Variants in PARP10 observed in about 807,000 individuals in gnomAD.
PARP10 encodes the protein protein mono-ADP-ribosyltransferase PARP10.
A neutral mutation model predicts 82.4 loss-of-function variants in PARP10; 56 were observed. The observed-to-expected ratio is 0.68, with a 90% CI of 0.55 to 0.85. The LOEUF is 0.85. Among genes scored for constraint, PARP10 ranks in the 40% least tolerant of loss-of-function variants. The pLI is 0.00. For missense variants in PARP10, 1,227 were observed against 1,379.4 expected, an observed-to-expected ratio of 0.89 and a Z score of 1.75; for synonymous variants, 576 against 601.1, an observed-to-expected ratio of 0.96 and a Z score of 0.61.
At chr8:144,000,363 A>C (rs938892063) in intron 1 of PARP10, among the ~76,000 whole-genome samples, 1 of 152,112 alleles carries the variant, frequency 6.6e-6, no homozygotes, top group African/African-American at 2.4e-5. Context: ...GTGTTGCCAC[A>C]AGGAAGGAAC....
At chr8:143,992,436 C>A, upstream of PARP10, 1 of 1,613,918 alleles carries the variant, frequency 6.2e-7, no homozygotes, top group Non-Finnish European at 8.5e-7. Context: ...CAGGCCCAGC[C>A]CCATGGCCCG....
intron 1 of PARP10, among the ~76,000 whole-genome samples, chr8:144,003,650 T>C (rs558186885): frequency 6.6e-6 from 1 of 151,900 alleles, no homozygotes; most frequent in East Asian, 1.9e-4. Context: ...AAAAATCAGG[T>C]TGGAGAAGCT....
chr8:143,992,841 G>A (rs1228018387), upstream of PARP10: 8 of 1,612,808 alleles, frequency 5.0e-6, no homozygotes, highest in Non-Finnish European at 6.8e-6. Flanking sequence ...CCAAGGAGTA[G>A]CCGAGCTCCA....
At chr8:143,999,002 TC>T (rs1412523752) in intron 1 of PARP10, among the ~76,000 whole-genome samples, 5 of 149,664 alleles carry the variant, frequency 3.3e-5, no homozygotes, top group Non-Finnish European at 5.9e-5. Flanking sequence ...TCTCCTTCCT[TC>T]CTTCCTTCCT....
At chr8:144,012,611 G>A in exon 1 of PARP10, 2 of 1,551,748 alleles carry the variant, frequency 1.3e-6, no homozygotes, top group Non-Finnish European at 1.7e-6. Context: ...GGCTCATTCG[G>A]GAGAATCACG....
At chr8:144,010,745 T>A (rs1309877411) in intron 1 of PARP10, among the ~76,000 whole-genome samples, 1 of 151,578 alleles carries the variant, frequency 6.6e-6, no homozygotes, top group Non-Finnish European at 1.5e-5. Flanking sequence ...ATTAGCCGAG[T>A]GTGGTGGCAC....
At chr8:144,003,000 A>G (rs1158148964) in intron 1 of PARP10, among the ~76,000 whole-genome samples, 2 of 152,230 alleles carry the variant, frequency 1.3e-5, no homozygotes, top group Non-Finnish European at 2.9e-5. Context: ...TCCATCAAAA[A>G]TGTAAAAAGA....
At chr8:143,986,293 C>T (rs781981070) in intron 1 of PARP10, 60 bp from the exon 2 acceptor site, 4 of 1,613,680 alleles carry the variant, frequency 2.5e-6, no homozygotes, top group Non-Finnish European at 3.4e-6. Context: ...TGCCCCTCCC[C>T]AGGCCCCTCC....
chr8:144,000,904 G>T (rs1834196990), intron 1 of PARP10, among the ~76,000 whole-genome samples: 1 of 109,286 alleles, frequency 9.2e-6, no homozygotes. Flanking sequence ...TTCTTTGTGT[G>T]TGTGTTTTTT....
In PARP10 at chr8:143,977,844, C is replaced by T. The variant is rs147608960; in HGVS notation, c.2732-14G>A. The T allele has an allele frequency of 3.8e-6, 6 of 1,596,968 alleles. No individual in the cohort carries two copies. Among genetic ancestry groups the T allele is most frequent in the African/African-American group, 1.3e-5 (1 of 74,536 alleles). Reference sequence around the variant, plus strand: ...CGTAGACCGTGGCTGCAGGGCGAGACGGGGCAAGGTCAGGGTGGTCGGGGT... The same window carrying T: ...CGTAGACCGTGGCTGCAGGGCGAGATGGGGCAAGGTCAGGGTGGTCGGGGT... On this transcript the variant is annotated splice_polypyrimidine_tract_variant and intron_variant, in intron 10 of 10. Coordinates refer to ENST00000313028, the MANE Select transcript of PARP10 (RefSeq NM_032789.5).
chr8:143,983,072 C>A lies in PARP10; in HGVS notation c.2423-7G>T, dbSNP rs1373684025. 2 of 1,613,856 alleles carry A rather than the reference C, an allele frequency of 1.2e-6. No homozygotes were observed. The highest frequency in any genetic ancestry group is 1.7e-6 in the Non-Finnish European group (2 of 1,180,008). ...TTCAGCGTCTGCCCCGCCACTGATG[C>A]ATGGGGAAAAGCGGGGGGTCAGAGC... is the stretch of plus-strand genomic sequence containing the variant. On this transcript the variant is annotated splice_region_variant and splice_polypyrimidine_tract_variant and intron_variant, in intron 8 of 10. Transcript: ENST00000313028.
intron 1 of PARP10, among the ~76,000 whole-genome samples, chr8:144,009,824 C>G (rs193065636): frequency 6.6e-6 from 1 of 152,180 alleles, no homozygotes; most frequent in East Asian, 1.9e-4. Flanking sequence ...CAAGCCAACT[C>G]CAAGACCAGC....
chr8:144,012,547 G>C (rs903886286), exon 1 of PARP10: 1 of 1,551,648 alleles, frequency 6.4e-7, no homozygotes, highest in East Asian at 2.4e-5. Flanking sequence ...GAAGGGCTTC[G>C]GCATCAGATA....
In PARP10 at chr8:143,986,196, C is replaced by G; in HGVS notation, c.40G>C (p.Glu14Gln). ...ACGGCAGGGGGCAGTCCACGGACCT[C>G]CACTGCCACCCCTGCCTCTGCCTCC... ...MAEAEAGVAV[E>Q]VRGLPPAVPD... The change falls in exon 2 of 11, where the codon GAG (glutamate) becomes CAG (glutamine). Residue 14 changes from glutamate to glutamine, a missense_variant. Transcript: ENST00000313028. 1 of 1,613,774 alleles carries G rather than the reference C, an allele frequency of 6.2e-7. No homozygotes were observed. Among genetic ancestry groups the G allele is most frequent in the South Asian group, 1.1e-5 (1 of 91,090 alleles).
chr8:143,992,438 C>T, upstream of PARP10: 12 of 1,613,952 alleles, frequency 7.4e-6, no homozygotes, highest in Non-Finnish European at 1.0e-5. Context: ...GGCCCAGCCC[C>T]ATGGCCCGTT....
In PARP10 at chr8:143,985,099, T is replaced by C. The variant is rs1833953168; in HGVS notation, c.903A>G (p.Pro301=). Residue 301 remains proline, a synonymous_variant, in exon 5 of 11, where the codon CCA becomes CCG. Coordinates refer to ENST00000313028, the MANE Select transcript of PARP10 (RefSeq NM_032789.5). ...GTVTMGSGEE[P]GQSGASLRTG... The stretch of plus-strand genomic sequence containing the variant: ...TCCTCAGAGAGGCCCCTGACTGCCC[T>C]GGTTCCTCGCCAGAGCCCATTGTCA... 6.2e-7 allele frequency: 1 copy of C among 1,613,944 alleles called. No homozygotes were observed. The highest frequency in any genetic ancestry group is 8.5e-7 in the Non-Finnish European group (1 of 1,179,992).
rs201355422 is a variant in PARP10 at position 143,985,208 on chromosome 8, G to A, written c.794C>T (p.Pro265Leu). The change falls in exon 5 of 11, where the codon CCG (proline) becomes CTG (leucine). Residue 265 changes from proline to leucine, a missense_variant. Coordinates refer to ENST00000313028, the MANE Select transcript of PARP10 (RefSeq NM_032789.5). ...GGTAGCCCTAGGCCCCTGGGTGGAC[G>A]GGTGGTCCCCTCCACTGGTGTTCTC... The part of the protein sequence containing the change: ...LAENTSGGDH[P>L]STQGPRATKH... 32 of 1,613,994 alleles carry A rather than the reference G, an allele frequency of 2.0e-5. No individual in the cohort carries two copies. The highest frequency in any genetic ancestry group is 1.5e-4 in the Admixed American group (9 of 60,004).
rs782279345 is a variant in PARP10 at position 143,986,215 on chromosome 8, T to TGCCTCC, written c.15_20dup (p.Glu8_Ala9dup). On this transcript the variant is annotated inframe_insertion, in exon 2 of 11. Coordinates refer to ENST00000313028, the MANE Select transcript of PARP10 (RefSeq NM_032789.5). ...GGACCTCCACTGCCACCCCTGCCTCTGCCTCCGCCATTGCAACCCTGGGAC... is the reference window on the plus strand; with the variant it reads ...GGACCTCCACTGCCACCCCTGCCTCTGCCTCCGCCTCCGCCATTGCAACCCTGGGAC... 18 of 1,614,002 alleles carry TGCCTCC rather than the reference T, an allele frequency of 1.1e-5. No homozygotes were observed. In the South Asian group the frequency reaches 1.6e-4, roughly 15 times the overall value.
At position 143,977,636 on chromosome 8, in the gene PARP10, C is replaced by T. The variant is rs1833724472; in HGVS notation, c.2926G>A (p.Asp976Asn). ...RGPGHVLLRY[D>N]SAVDCICQPS... ...TGGCAGATGCAGTCCACGGCGCTGTCGTAGCGCAGGAGCACGTGGCCAGGA... is the reference window on the plus strand; with the variant it reads ...TGGCAGATGCAGTCCACGGCGCTGTTGTAGCGCAGGAGCACGTGGCCAGGA... Residue 976 changes from aspartate (D) to asparagine (N), a missense_variant, in exon 11 of 11, where the codon GAC becomes AAC. Transcript: ENST00000313028. 2.5e-6 allele frequency: 4 copies of T among 1,592,490 alleles called. No individual in the cohort carries two copies. The highest frequency in any genetic ancestry group is 3.4e-6 in the Non-Finnish European group (4 of 1,170,404).
Sources: allele counts gnomAD v4.1 joint callset (sites outside exome capture counted in the v4.1 genomes callset), GRCh38; gene constraint gnomAD v4.1.1; transcripts MANE v1.5; gene names NCBI Gene and HGNC (gene_info 2026-07-23, HGNC 2026-07-21).